The following FCGRT variants were observed in gnomAD, a reference collection of about 807,000 sequenced individuals.
FCGRT encodes IgG receptor FcRn large subunit p51.
Under a neutral mutation model 35.7 loss-of-function variants are expected in FCGRT, and 13 were observed. That is an observed-to-expected ratio of 0.36 (90% confidence interval 0.24 to 0.58). The LOEUF (loss-of-function observed/expected upper bound fraction) is 0.58. Among genes scored for constraint, FCGRT ranks in the 20% least tolerant of loss-of-function variants. The pLI is 0.77. For synonymous variants in FCGRT, 233 were observed against 216.5 expected (o/e 1.08, Z -0.67); for missense variants, 455 against 474.9 (o/e 0.96, Z 0.39).
chr19:49,526,214 G>T lies in FCGRT; in HGVS notation c.*95G>T. On this transcript the variant is annotated 3_prime_UTR_variant, in exon 7 of 7. Coordinates refer to ENST00000221466, the MANE Select transcript of FCGRT (RefSeq NM_001136019.3). ...CACTGGCATCTCTGAGCCTCCAGAAGGGGTTCTGGGCCTAGTTGTCCTCCC... is the reference window on the plus strand; with the variant it reads ...CACTGGCATCTCTGAGCCTCCAGAATGGGTTCTGGGCCTAGTTGTCCTCCC... 1.2e-6 allele frequency: 1 copy of T among 827,684 alleles called. No homozygotes were observed. Among genetic ancestry groups the T allele is most frequent in the Non-Finnish European group, 2.0e-6 (1 of 490,222 alleles). The allele number at this position is 827,684 out of a possible 1,614,324, so 51.3% of individuals were successfully genotyped here.
At chr19:49,523,651 G>C (rs2080055258) in intron 4 of FCGRT, among the ~76,000 whole-genome samples, 2 of 151,916 alleles carry the variant, frequency 1.3e-5, no homozygotes, top group South Asian at 4.1e-4. Context: ...ATGAGGTCAG[G>C]AGATTGAGAC....
At chr19:49,522,940 G>A (rs1445777276) in intron 4 of FCGRT, among the ~76,000 whole-genome samples, 1 of 151,566 alleles carries the variant, frequency 6.6e-6, no homozygotes, top group African/African-American at 2.4e-5. Flanking sequence ...ACCACGCCCG[G>A]CTAATTTTTT....
chr19:49,515,998 G>A lies in FCGRT; in HGVS notation c.601+1512G>A, dbSNP rs148189459. 437 of 333,202 alleles carry A rather than the reference G, an allele frequency of 1.3e-3. 1 individual carries two copies. The highest frequency in any genetic ancestry group is 8.4e-3 in the African/African-American group (382 of 45,712). The allele number at this position is 333,202 out of a possible 1,614,324, so 20.6% of individuals were successfully genotyped here. ...CAGAGTTCACTGTTTCCTCCCCGGA[G>A]GCCCCCAGATCCCCACTCATTCAAC... On this transcript the variant is annotated intron_variant, in intron 4 of 6. Coordinates refer to ENST00000221466, the MANE Select transcript of FCGRT (RefSeq NM_001136019.3).
At chr19:49,516,017 A>AT in intron 4 of FCGRT, 5 of 351,548 alleles carry the variant, frequency 1.4e-5, no homozygotes, top group South Asian at 1.1e-4. Flanking sequence ...ATCCCCACTC[A>AT]TTCAACTGTT....
chr19:49,525,018 C>G, intron 5 of FCGRT: 1 of 662,636 alleles, frequency 1.5e-6, no homozygotes, highest in Non-Finnish European at 2.8e-6. Context: ...ACTACCATGG[C>G]CAGTCCTCCC....
chr19:49,523,549 CAG>C, intron 4 of FCGRT, among the ~76,000 whole-genome samples: 1 of 151,828 alleles, frequency 6.6e-6, no homozygotes, highest in African/African-American at 2.4e-5. Flanking sequence ...GCCTGGGTGA[CAG>C]AGCGAGACTC....
At chr19:49,525,878 G>A (rs2080073290) in intron 6 of FCGRT, 132 bp from the exon 7 acceptor site, 7 of 763,448 alleles carry the variant, frequency 9.2e-6, no homozygotes, top group South Asian at 8.3e-5. Flanking sequence ...GAGAAGGGGA[G>A]ACAAAGGCCC....
chr19:49,514,968 AG>A (rs2079999079), intron 4 of FCGRT, among the ~76,000 whole-genome samples: 1 of 150,378 alleles, frequency 6.6e-6, no homozygotes, highest in African/African-American at 2.5e-5. Flanking sequence ...CTGGGATTAC[AG>A]GCATGAGCTA....
At chr19:49,513,742 C>G (rs1438731725) in intron 2 of FCGRT, 140 bp from the exon 3 acceptor site, 6 of 175,274 alleles carry the variant, frequency 3.4e-5, no homozygotes, top group Non-Finnish European at 6.2e-5. Flanking sequence ...CTCTGTCCCC[C>G]CCCCCCCGGG....
At chr19:49,518,573 G>A (rs903602353) in intron 4 of FCGRT, among the ~76,000 whole-genome samples, 2 of 152,070 alleles carry the variant, frequency 1.3e-5, no homozygotes, top group East Asian at 1.9e-4. Flanking sequence ...TTACTCTGTC[G>A]CCCAGACTGG....
intron 4 of FCGRT, among the ~76,000 whole-genome samples, chr19:49,520,346 A>ATTT (rs77327285): frequency 0.09 from 10,949 of 121,210 alleles, 661 homozygotes; most frequent in African/African-American, 0.15. Context: ...GCCAGGATGG[A>ATTT]TTTTTTTTTT....
chr19:49,518,795 A>C (rs571759325), intron 4 of FCGRT, among the ~76,000 whole-genome samples: 1 of 152,162 alleles, frequency 6.6e-6, no homozygotes, highest in East Asian at 1.9e-4. Flanking sequence ...TCGGCCTCCC[A>C]AAGTGCTGGG....
chr19:49,518,382 T>TTTTA (rs2080021107), intron 4 of FCGRT, among the ~76,000 whole-genome samples: 2 of 149,944 alleles, frequency 1.3e-5, no homozygotes, highest in African/African-American at 5.0e-5. Flanking sequence ...TTTTTTCCTT[T>TTTTA]TTGAGACAGG....
rs1011965463 is a variant in FCGRT at position 49,514,143 on chromosome 19, C to T, written c.325+10C>T. The T allele has an allele frequency of 2.5e-6, 4 of 1,612,544 alleles. No homozygotes were observed. The highest frequency in any genetic ancestry group is 1.7e-5 in the Admixed American group (1 of 59,850). On this transcript the variant is annotated intron_variant, in intron 3 of 6. Coordinates refer to ENST00000221466, the MANE Select transcript of FCGRT (RefSeq NM_001136019.3). ...GCTTTGGGGGGAAAAGGTGAGATTC[C>T]GGTCTGGAGGGGCAAGGGGCCGGGT...
At chr19:49,514,178 G>T in intron 3 of FCGRT, 33 bp from the exon 4 acceptor site, 2 of 1,609,782 alleles carry the variant, frequency 1.2e-6, no homozygotes, top group African/African-American at 1.3e-5. Context: ...TCCATGCTCC[G>T]GGGCCCCGCT....
intron 4 of FCGRT, among the ~76,000 whole-genome samples, chr19:49,520,320 G>A (rs1445278130): frequency 6.6e-6 from 1 of 150,804 alleles, no homozygotes; most frequent in Non-Finnish European, 1.5e-5. Context: ...AGTACAGACA[G>A]GGTTTCACCA....
rs77191620 is a variant in FCGRT at position 49,519,598 on chromosome 19, C to G, written c.602-4909C>G. On this transcript the variant is annotated intron_variant, in intron 4 of 6. Coordinates refer to ENST00000221466, the MANE Select transcript of FCGRT (RefSeq NM_001136019.3). ...TGTTGCTGGAAATAGTCCTCCTTCTCTTCTTTAAAGGAGCAGCTCCATCTA... is the reference window on the plus strand; with the variant it reads ...TGTTGCTGGAAATAGTCCTCCTTCTGTTCTTTAAAGGAGCAGCTCCATCTA... Among the ~76,000 whole-genome samples, 123 of 152,222 alleles carry G rather than the reference C, an allele frequency of 8.1e-4. 1 individual carries two copies. The highest frequency in any genetic ancestry group is 2.8e-3 in the African/African-American group (115 of 41,544).
intron 4 of FCGRT, chr19:49,516,316 C>T (rs1393347931): frequency 5.7e-6 from 2 of 350,668 alleles, no homozygotes; most frequent in African/African-American, 4.4e-5. Context: ...GATCTCGGCT[C>T]ACTGCAACCT....
At chr19:49,521,372 C>A (rs1433599785) in intron 4 of FCGRT, among the ~76,000 whole-genome samples, 3 of 151,982 alleles carry the variant, frequency 2.0e-5, no homozygotes, top group Non-Finnish European at 4.4e-5. Context: ...GAGTTCAAGA[C>A]CAGCCTGGCC....
Sources: allele counts gnomAD v4.1 joint callset (sites outside exome capture counted in the v4.1 genomes callset), GRCh38; gene constraint gnomAD v4.1.1; transcripts MANE v1.5; gene names NCBI Gene and HGNC (gene_info 2026-07-23, HGNC 2026-07-21).